Variants in MAST4 observed in about 807,000 individuals in gnomAD.
MAST4 encodes microtubule associated serine/threonine kinase family member 4, also known as microtubule-associated serine/threonine-protein kinase 4.
Under a neutral mutation model 162.7 loss-of-function variants are expected in MAST4, and 89 were observed. That is an observed-to-expected ratio of 0.55 (90% CI 0.46 to 0.65). The LOEUF is 0.65. Among genes scored for constraint, MAST4 ranks in the 30% least tolerant of loss-of-function variants. The pLI is 0.00. For synonymous variants in MAST4, 1,479 were observed against 1,361.1 expected (o/e 1.09, Z -1.91); for missense variants, 3,153 against 3,374.0 (o/e 0.93, Z 1.62).
At chr5:67,077,096 A>C (rs890669776) in intron 5 of MAST4, among the ~76,000 whole-genome samples, 1 of 152,242 alleles carries the variant, frequency 6.6e-6, no homozygotes, top group African/African-American at 2.4e-5. Flanking sequence ...CAGAAACTTA[A>C]GGTGTCTGGC....
chr5:66,685,534 T>C (rs1197169821), intron 1 of MAST4, among the ~76,000 whole-genome samples: 1 of 151,214 alleles, frequency 6.6e-6, no homozygotes, highest in Non-Finnish European at 1.5e-5. Flanking sequence ...AAATCATTGA[T>C]AAAATAAGGA....
chr5:67,035,790 A>T (rs1230267856), intron 4 of MAST4, among the ~76,000 whole-genome samples: 1 of 152,174 alleles, frequency 6.6e-6, no homozygotes, highest in Non-Finnish European at 1.5e-5. Flanking sequence ...GTCAGTGGAA[A>T]GGAGTAACAG....
At chr5:67,033,735 T>C (rs1238983892) in intron 4 of MAST4, among the ~76,000 whole-genome samples, 1 of 152,172 alleles carries the variant, frequency 6.6e-6, no homozygotes, top group African/African-American at 2.4e-5. Flanking sequence ...GTTTGTTTGT[T>C]TCTCTTTACC....
intron 4 of MAST4, among the ~76,000 whole-genome samples, chr5:66,993,930 CCA>C: frequency 1.2e-5 from 1 of 80,434 alleles, no homozygotes; most frequent in Non-Finnish European, 2.6e-5. Context: ...ACCCCCCCCC[CCA>C]CCCCACCAAA....
chr5:67,077,209 G>T (rs1323011503), intron 5 of MAST4, among the ~76,000 whole-genome samples: 1 of 151,826 alleles, frequency 6.6e-6, no homozygotes, highest in African/African-American at 2.4e-5. Context: ...TTTTCCAGCA[G>T]AATCTAAAGT....
intron 1 of MAST4, among the ~76,000 whole-genome samples, chr5:66,622,419 G>GGT (rs1340852248): frequency 1.9e-5 from 1 of 53,002 alleles, no homozygotes; most frequent in Non-Finnish European, 3.4e-5. Flanking sequence ...TCCTTGTAAG[G>GGT]CTTTTTTTTT....
chr5:66,826,042 G>C (rs1206168625), intron 3 of MAST4, among the ~76,000 whole-genome samples: 1 of 152,120 alleles, frequency 6.6e-6, no homozygotes, highest in Admixed American at 6.5e-5. Context: ...ATCTTGATGA[G>C]AAAATATATA....
intron 3 of MAST4, among the ~76,000 whole-genome samples, chr5:66,885,333 T>A (rs1437314710): frequency 6.6e-6 from 1 of 152,222 alleles, no homozygotes; most frequent in Non-Finnish European, 1.5e-5. Context: ...TTTTCCACAC[T>A]TTTTAGTTAA....
intron 1 of MAST4, among the ~76,000 whole-genome samples, chr5:66,728,400 C>G (rs1205394412): frequency 6.6e-6 from 1 of 152,166 alleles, no homozygotes; most frequent in Non-Finnish European, 1.5e-5. Flanking sequence ...TTAAGGACCT[C>G]AGTTTTGAAT....
intron 4 of MAST4, among the ~76,000 whole-genome samples, chr5:67,048,199 C>A (rs1757611690): frequency 6.6e-6 from 1 of 151,878 alleles, no homozygotes; most frequent in Non-Finnish European, 1.5e-5. Flanking sequence ...TTTAATGTTG[C>A]AAAGAGGAAA....
intron 4 of MAST4, among the ~76,000 whole-genome samples, chr5:67,023,914 TTTAA>T (rs1286188218): frequency 3.3e-5 from 5 of 152,042 alleles, no homozygotes; most frequent in African/African-American, 1.2e-4. Flanking sequence ...GAAAAAAATG[TTTAA>T]TTGTGTACAC....
intron 6 of MAST4, among the ~76,000 whole-genome samples, chr5:67,091,340 T>C (rs1763846296): frequency 6.6e-6 from 1 of 152,222 alleles, no homozygotes. Flanking sequence ...TCCCATCATG[T>C]GTTAAATGCC....
In MAST4 at chr5:67,027,478, G is replaced by A. The variant is rs186948546; in HGVS notation, c.675-26926G>A. Among the ~76,000 whole-genome samples, 27 of 152,296 alleles carry A rather than the reference G, an allele frequency of 1.8e-4. No homozygotes were observed. In the East Asian group the frequency reaches 2.9e-3, roughly 16 times the overall value. On this transcript the variant is annotated intron_variant, in intron 4 of 28. Transcript: ENST00000403625. ...ACTGCAAAAAGAAACATAGTTTAGT[G>A]ATGGAGTCTTAGACATGGTTCCTGA...
intron 5 of MAST4, among the ~76,000 whole-genome samples, chr5:67,064,524 C>T (rs1759999382): frequency 6.6e-6 from 1 of 152,248 alleles, no homozygotes; most frequent in African/African-American, 2.4e-5. Context: ...TGAAGTACCA[C>T]AAAGCCCTGT....
intron 1 of MAST4, among the ~76,000 whole-genome samples, chr5:66,701,229 A>G (rs1286558763): frequency 6.6e-6 from 1 of 152,212 alleles, no homozygotes; most frequent in Admixed American, 6.5e-5. Flanking sequence ...TTGTATGGGC[A>G]CGCAGTGATT....
At chr5:66,851,999 T>G (rs983838123) in intron 3 of MAST4, among the ~76,000 whole-genome samples, 3 of 152,142 alleles carry the variant, frequency 2.0e-5, no homozygotes, top group African/African-American at 4.8e-5. Flanking sequence ...CCATGAACAG[T>G]TTTAGTACTG....
chr5:66,751,868 G>A (rs1241854623), intron 1 of MAST4, among the ~76,000 whole-genome samples: 2 of 148,842 alleles, frequency 1.3e-5, no homozygotes, highest in African/African-American at 2.5e-5. Flanking sequence ...TGAAATGAAG[G>A]AAAAAATGTT....
At chr5:66,674,279 G>C (rs1478438378) in intron 1 of MAST4, among the ~76,000 whole-genome samples, 2 of 152,174 alleles carry the variant, frequency 1.3e-5, no homozygotes, top group Non-Finnish European at 2.9e-5. Context: ...TAAGGCATGA[G>C]AGAGTAACTT....
rs2149376702 is a variant in MAST4, at chr5:66,596,956, G to A, written c.301G>A (p.Gly101Arg). The change falls in exon 1 of 29, where the codon GGA (glycine) becomes AGA (arginine). Residue 101 changes from glycine to arginine, a missense_variant. Physicochemically the swap from Gly to Arg is moderately radical, Grantham distance 125. Around this residue, in one of 7 missense-constraint regions of MAST4, gnomAD observed 327 missense variants for 336.5 expected, o/e 0.97. Transcript: ENST00000403625. Reference protein sequence around the residue: ...GVLALPPPLPGGAVPPAPRGS... With the variant: ...GVLALPPPLPRGAVPPAPRGS... ...CCTTGCGCTGCCGCCGCCGCTTCCC[G>A]GAGGAGCTGTGCCGCCCGCGCCCCG... is the stretch of plus-strand genomic sequence containing the variant. The A allele has an allele frequency of 3.5e-6, 5 of 1,422,080 alleles. No homozygotes were observed. Among genetic ancestry groups the A allele is most frequent in the Non-Finnish European group, 4.6e-6 (5 of 1,092,000 alleles). The allele number at this position is 1,422,080 out of a possible 1,614,324, so 88.1% of individuals were successfully genotyped here.
Sources: allele counts gnomAD v4.1 joint callset (sites outside exome capture counted in the v4.1 genomes callset), GRCh38; gene constraint gnomAD v4.1.1; regional missense constraint gnomAD v4.1.1; transcripts MANE v1.5; gene names NCBI Gene and HGNC (gene_info 2026-07-23, HGNC 2026-07-21).